The following LHFPL3 variants were observed in gnomAD, a reference collection of about 807,000 sequenced individuals.
LHFPL3 encodes LHFPL tetraspan subfamily member 3 protein.
LHFPL3 carries 5 observed loss-of-function variants against 19.3 expected under a neutral mutation model. That is an observed-to-expected ratio of 0.26 (90% CI 0.14 to 0.54). The LOEUF is 0.54. Among genes scored for constraint, LHFPL3 ranks in the 20% least tolerant of loss-of-function variants. The pLI is 0.94. For synonymous variants in LHFPL3, 133 were observed against 126.2 expected, an observed-to-expected ratio of 1.05 and a Z score of -0.36; for missense variants, 249 against 307.4, an observed-to-expected ratio of 0.81 and a Z score of 1.42.
intron 1 of LHFPL3, among the ~76,000 whole-genome samples, chr7:104,579,711 T>C (rs533514333): frequency 9.2e-5 from 14 of 152,322 alleles, no homozygotes; most frequent in Admixed American, 7.8e-4. Context: ...CAAGCTGAGA[T>C]TGGAACTCTA....
intron 1 of LHFPL3, among the ~76,000 whole-genome samples, chr7:104,548,977 A>C (rs1337348948): frequency 6.6e-6 from 1 of 152,172 alleles, no homozygotes; most frequent in African/African-American, 2.4e-5. Flanking sequence ...GCAGAATTTC[A>C]GTCAGGAAAT....
At chr7:104,807,446 GTTTGTGGTAC>G (rs1410448602) in intron 2 of LHFPL3, among the ~76,000 whole-genome samples, 2 of 152,136 alleles carry the variant, frequency 1.3e-5, no homozygotes, top group Non-Finnish European at 2.9e-5. Flanking sequence ...AAGCCACACC[GTTTGTGGTAC>G]TTTGTTACAG....
chr7:104,603,682 G>T (rs1016412736), intron 1 of LHFPL3, among the ~76,000 whole-genome samples: 42 of 152,208 alleles, frequency 2.8e-4, no homozygotes, highest in African/African-American at 9.7e-4. Flanking sequence ...ACAGCCATAG[G>T]ATAGACATTC....
chr7:104,860,157 T>TAC (rs1309527605), intron 2 of LHFPL3, among the ~76,000 whole-genome samples: 2 of 139,450 alleles, frequency 1.4e-5, no homozygotes, highest in Non-Finnish European at 3.1e-5. Context: ...ACCCCCCAAA[T>TAC]ACACACACAC....
At chr7:104,615,332 A>T (rs1791311853) in intron 1 of LHFPL3, among the ~76,000 whole-genome samples, 1 of 152,232 alleles carries the variant, frequency 6.6e-6, no homozygotes, top group African/African-American at 2.4e-5. Context: ...CCCCTAGCAA[A>T]TAAAGCATTA....
intron 1 of LHFPL3, among the ~76,000 whole-genome samples, chr7:104,713,635 G>T (rs989165593): frequency 6.6e-6 from 1 of 152,102 alleles, no homozygotes; most frequent in African/African-American, 2.4e-5. Flanking sequence ...TGAGATTTGC[G>T]TGGGGAGGAC....
chr7:104,736,386 C>A (rs1341759289), intron 1 of LHFPL3, among the ~76,000 whole-genome samples: 2 of 152,094 alleles, frequency 1.3e-5, no homozygotes. Context: ...TTAATATTTT[C>A]TTAACCTCTT....
At chr7:104,723,160 T>C (rs1793519368) in intron 1 of LHFPL3, among the ~76,000 whole-genome samples, 1 of 152,210 alleles carries the variant, frequency 6.6e-6, no homozygotes. Context: ...CCAGAGCAAT[T>C]AGTGGCTCTG....
At chr7:104,541,103 G>GACACACACACACACACAC (rs58831498) in intron 1 of LHFPL3, among the ~76,000 whole-genome samples, 3 of 134,544 alleles carry the variant, frequency 2.2e-5, no homozygotes, top group African/African-American at 2.8e-5. Flanking sequence ...TCCTCCCCAT[G>GACACACACACACACACAC]ACACACACAC....
intron 1 of LHFPL3, among the ~76,000 whole-genome samples, chr7:104,541,183 A>C (rs1436183557): frequency 6.6e-6 from 1 of 151,196 alleles, no homozygotes; most frequent in Admixed American, 6.6e-5. Flanking sequence ...CCAAAGGGAG[A>C]GCTTCTCTGA....
intron 1 of LHFPL3, among the ~76,000 whole-genome samples, chr7:104,540,589 C>T (rs1053121746): frequency 6.6e-6 from 1 of 152,144 alleles, no homozygotes; most frequent in African/African-American, 2.4e-5. Context: ...TCTGGGGTAG[C>T]GAATTGTAAT....
intron 2 of LHFPL3, among the ~76,000 whole-genome samples, chr7:104,886,460 G>A (rs1248793095): frequency 2.0e-5 from 3 of 152,124 alleles, no homozygotes; most frequent in African/African-American, 7.2e-5. Flanking sequence ...CGCCACCTGG[G>A]TTCAAGCAAT....
At chr7:104,672,957 C>G (rs951503168) in intron 1 of LHFPL3, among the ~76,000 whole-genome samples, 1 of 152,154 alleles carries the variant, frequency 6.6e-6, no homozygotes, top group African/African-American at 2.4e-5. Flanking sequence ...AGATGACTCT[C>G]TCAATACTGG....
chr7:104,571,600 T>A lies in LHFPL3; in HGVS notation c.446-165075T>A, dbSNP rs191334732. On this transcript the variant is annotated intron_variant, in intron 1 of 2. Transcript: ENST00000424859. ...GAATGATGCCAAATCCACTGATGGG[T>A]CGGGTTATATGAAAATTGCTCCTTG... is the stretch of plus-strand genomic sequence containing the variant. Among the ~76,000 whole-genome samples the A allele has an allele frequency of 1.7e-3, 258 of 152,276 alleles. 1 individual carries two copies. Among genetic ancestry groups the A allele is most frequent in the African/African-American group, 5.8e-3 (242 of 41,540 alleles).
At chr7:104,466,718 T>C (rs6977743) in intron 1 of LHFPL3, among the ~76,000 whole-genome samples, 120,048 of 152,214 alleles carry the variant, frequency 0.79, 47,680 homozygotes, top group East Asian at 0.88. Context: ...TTTGACCTAG[T>C]TATAATCCCT....
At chr7:104,368,805 T>C (rs1225517207) in intron 1 of LHFPL3, among the ~76,000 whole-genome samples, 1 of 152,214 alleles carries the variant, frequency 6.6e-6, no homozygotes, top group African/African-American at 2.4e-5. Context: ...GCACTGATAT[T>C]AATTTTTATT....
At position 104,383,620 on chromosome 7, in the gene LHFPL3, T is replaced by A. The variant is rs190238541; in HGVS notation, c.445+54396T>A. On this transcript the variant is annotated intron_variant, in intron 1 of 2. Transcript: ENST00000424859. ...CTAAGGAGCAACATTTTTAATTGAC[T>A]TGATTTCTAGAGGGAAAAATGCAGC... is the stretch of plus-strand genomic sequence containing the variant. Among the ~76,000 whole-genome samples the A allele has an allele frequency of 1.8e-3, 276 of 152,330 alleles. 3 individuals are homozygous for A. Among genetic ancestry groups the A allele is most frequent in the South Asian group, 2.1e-3 (10 of 4,824 alleles).
intron 1 of LHFPL3, among the ~76,000 whole-genome samples, chr7:104,710,130 G>A (rs138811532): frequency 0.095 from 14,497 of 152,276 alleles, 710 homozygotes; most frequent in African/African-American, 0.12. Flanking sequence ...AGACCAGCCC[G>A]GCCAACACGG....
intron 1 of LHFPL3, among the ~76,000 whole-genome samples, chr7:104,477,585 C>T (rs184346804): frequency 5.3e-5 from 8 of 152,024 alleles, no homozygotes; most frequent in Admixed American, 4.6e-4. Flanking sequence ...ACAACACACA[C>T]GGGCCTTTCG....
Sources: gnomAD v4.1 joint callset for allele counts (sites outside exome capture counted in the v4.1 genomes callset) on GRCh38, gnomAD v4.1.1 for gene constraint, MANE v1.5 for transcripts, NCBI Gene and HGNC (gene_info 2026-07-23, HGNC 2026-07-21) for gene names.